CTNNA3: variants seen among roughly 807,000 people sequenced by gnomAD.
The protein encoded by CTNNA3 is catenin alpha 3.
Under a neutral mutation model 95.7 loss-of-function variants are expected in CTNNA3, and 76 were observed. The observed-to-expected ratio is 0.79, with a 90% CI of 0.66 to 0.96. The LOEUF (loss-of-function observed/expected upper bound fraction) is 0.96, where lower values mean the gene tolerates loss of function less well. CTNNA3 is among the 40% of genes least tolerant of loss of function. CTNNA3 has a pLI of 0.00. For missense variants in CTNNA3, 1,191 were observed against 1,089.8 expected, an observed-to-expected ratio of 1.09 and a Z score of -1.31; for synonymous variants, 431 against 374.4, an observed-to-expected ratio of 1.15 and a Z score of -1.74.
At chr10:67,466,659 G>A (rs184102434) in intron 5 of CTNNA3, among the ~76,000 whole-genome samples, 1 of 152,318 alleles carries the variant, frequency 6.6e-6, no homozygotes, top group African/African-American at 2.4e-5. Context: ...CCGGGGAAAT[G>A]AGGGTAGAGA....
intron 5 of CTNNA3, among the ~76,000 whole-genome samples, chr10:67,263,009 G>C (rs59559105): frequency 0.16 from 24,323 of 152,072 alleles, 2,916 homozygotes; most frequent in African/African-American, 0.32. Context: ...ATAGGAACTA[G>C]TTAGTAGGGA....
At chr10:67,111,844 A>G (rs1447631604) in intron 7 of CTNNA3, among the ~76,000 whole-genome samples, 2 of 152,062 alleles carry the variant, frequency 1.3e-5, no homozygotes, top group African/African-American at 2.4e-5. Context: ...GGAAATTCCA[A>G]AAGTAAGCTT....
intron 2 of CTNNA3, among the ~76,000 whole-genome samples, chr10:67,630,850 T>C (rs1228939373): frequency 6.6e-6 from 1 of 152,244 alleles, no homozygotes; most frequent in Admixed American, 6.5e-5. Flanking sequence ...AGTTTGTTAT[T>C]ACTATTATTT....
chr10:67,164,475 A>G (rs1861675920), intron 7 of CTNNA3, among the ~76,000 whole-genome samples: 1 of 152,100 alleles, frequency 6.6e-6, no homozygotes, highest in Non-Finnish European at 1.5e-5. Flanking sequence ...ACAAAATCAA[A>G]TGTAAAATAT....
At chr10:67,380,020 C>CAA (rs10591803) in intron 5 of CTNNA3, among the ~76,000 whole-genome samples, 338 of 73,794 alleles carry the variant, frequency 4.6e-3, no homozygotes, top group Middle Eastern at 9.8e-3. Flanking sequence ...GACTCCGTCT[C>CAA]AAAAAAAAAA....
chr10:67,364,730 C>G (rs1453613371), intron 5 of CTNNA3, among the ~76,000 whole-genome samples: 3 of 152,076 alleles, frequency 2.0e-5, no homozygotes, highest in African/African-American at 7.2e-5. Flanking sequence ...AAAGAGGACA[C>G]AAGCAAATGG....
intron 5 of CTNNA3, among the ~76,000 whole-genome samples, chr10:67,468,578 A>C (rs974071745): frequency 2.0e-5 from 3 of 152,074 alleles, no homozygotes; most frequent in African/African-American, 4.8e-5. Context: ...GCCCCCTCAC[A>C]TCTGTGTACA....
intron 9 of CTNNA3, among the ~76,000 whole-genome samples, chr10:66,656,544 T>C (rs902886753): frequency 6.6e-6 from 1 of 152,132 alleles, no homozygotes; most frequent in Non-Finnish European, 1.5e-5. Flanking sequence ...GAGGACTTGC[T>C]AGTTTATGTA....
chr10:67,219,720 C>A lies in CTNNA3; in HGVS notation c.730G>T (p.Glu244Ter). 1 of 1,614,102 alleles carries A rather than the reference C, an allele frequency of 6.2e-7. No homozygotes were observed. Among genetic ancestry groups the A allele is most frequent in the African/African-American group, 1.3e-5 (1 of 75,024 alleles). The change falls in exon 6 of 18, where the codon GAA becomes TAA. Residue 244 changes from glutamate (E) to a stop codon, truncating the protein, a stop_gained. Transcript: ENST00000433211. LOFTEE classifies it high-confidence loss of function. ...ATTACATTGAGAGCATTCTGAATTTCTTCACAAACTGTGTCCTTGCTTGCT... is the reference window on the plus strand; with the variant it reads ...ATTACATTGAGAGCATTCTGAATTTATTCACAAACTGTGTCCTTGCTTGCT... ...LKASKDTVCE[E>*]IQNALNVISN... is the part of the protein sequence containing the mutation.
intron 7 of CTNNA3, among the ~76,000 whole-genome samples, chr10:66,986,718 G>GT (rs1029362817): frequency 1.3e-5 from 2 of 152,062 alleles, no homozygotes; most frequent in African/African-American, 4.8e-5. Flanking sequence ...GGCTAATCAG[G>GT]TTGATTTATC....
intron 11 of CTNNA3, among the ~76,000 whole-genome samples, chr10:66,400,799 T>C (rs2093014494): frequency 6.6e-6 from 1 of 152,156 alleles, no homozygotes; most frequent in Admixed American, 6.6e-5. Flanking sequence ...ATACCTATTT[T>C]CTCTTCCAAC....
intron 7 of CTNNA3, among the ~76,000 whole-genome samples, chr10:67,037,395 A>G (rs1415015089): frequency 6.6e-6 from 1 of 152,030 alleles, no homozygotes; most frequent in African/African-American, 2.4e-5. Flanking sequence ...AAAGAAAAAA[A>G]AAACATAATT....
At chr10:67,741,393 A>C (rs1277933448) in intron 1 of CTNNA3, among the ~76,000 whole-genome samples, 1 of 150,432 alleles carries the variant, frequency 6.6e-6, no homozygotes, top group Non-Finnish European at 1.5e-5. Context: ...AGAATTTCAT[A>C]TCCAGCCAAA....
At chr10:66,767,873 G>C (rs1310666860) in intron 8 of CTNNA3, among the ~76,000 whole-genome samples, 1 of 152,198 alleles carries the variant, frequency 6.6e-6, no homozygotes, top group Non-Finnish European at 1.5e-5. Flanking sequence ...TTTAAGAAAG[G>C]CTTCAGGAAG....
intron 7 of CTNNA3, among the ~76,000 whole-genome samples, chr10:67,040,578 G>A (rs757218965): frequency 6.6e-6 from 1 of 151,900 alleles, no homozygotes; most frequent in East Asian, 1.9e-4. Context: ...ATATAAGATG[G>A]AATTTTTTTC....
chr10:67,727,439 CTATATATTATATATCA>C (rs2133627671), intron 1 of CTNNA3, among the ~76,000 whole-genome samples: 3 of 128,702 alleles, frequency 2.3e-5, no homozygotes, highest in African/African-American at 8.6e-5. Context: ...CTAGAATTTT[CTATATATTATATATCA>C]TATATATCAT....
At chr10:67,377,334 C>T (rs1019789886) in intron 5 of CTNNA3, among the ~76,000 whole-genome samples, 1 of 152,050 alleles carries the variant, frequency 6.6e-6, no homozygotes, top group African/African-American at 2.4e-5. Context: ...GAGAAGTCAC[C>T]AATAGGAAAA....
chr10:67,152,524 T>C (rs1219409799), intron 7 of CTNNA3, among the ~76,000 whole-genome samples: 1 of 152,212 alleles, frequency 6.6e-6, no homozygotes, highest in Admixed American at 6.5e-5. Context: ...ATAAAGATGG[T>C]GACTTATGAA....
At chr10:65,968,058 T>C (rs11818026) in intron 16 of CTNNA3, among the ~76,000 whole-genome samples, 8,547 of 152,158 alleles carry the variant, frequency 0.056, 824 homozygotes, top group African/African-American at 0.19. Flanking sequence ...AATATGTAAA[T>C]ATTGCAATCA....
Sources: gnomAD v4.1 joint callset for allele counts (sites outside exome capture counted in the v4.1 genomes callset) on GRCh38, gnomAD v4.1.1 for gene constraint, MANE v1.5 for transcripts, NCBI Gene and HGNC (gene_info 2026-07-23, HGNC 2026-07-21) for gene names.